The following RALGAPA1 variants were observed in gnomAD, a reference collection of about 807,000 sequenced individuals.
RALGAPA1 encodes ral GTPase-activating protein subunit alpha-1.
In RALGAPA1, 52 loss-of-function variants were observed where a neutral mutation model predicts 269.6. That is an observed-to-expected ratio of 0.19 (90% CI 0.15 to 0.24). The LOEUF (loss-of-function observed/expected upper bound fraction) is 0.24. RALGAPA1 is among the 10% of genes least tolerant of loss of function. The pLI is 1.00. For missense variants in RALGAPA1, 1,917 were observed against 3,013.9 expected, an observed-to-expected ratio of 0.64 and a Z score of 8.52; for synonymous variants, 817 against 1,008.3, an observed-to-expected ratio of 0.81 and a Z score of 3.60.
chr14:35,726,704 A>T (rs2069947194), intron 13 of RALGAPA1, among the ~76,000 whole-genome samples: 2 of 152,346 alleles, frequency 1.3e-5, no homozygotes, highest in Non-Finnish European at 2.9e-5. Context: ...TTAAGAAAAA[A>T]ATTCTAAAAT....
intron 35 of RALGAPA1, among the ~76,000 whole-genome samples, chr14:35,624,997 T>C (rs1174748589): frequency 1.3e-5 from 2 of 152,034 alleles, no homozygotes; most frequent in African/African-American, 2.4e-5. Flanking sequence ...GAAACCATTC[T>C]GGTTCACTCA....
At chr14:35,623,489 C>A (rs1286228839) in intron 35 of RALGAPA1, among the ~76,000 whole-genome samples, 1 of 151,894 alleles carries the variant, frequency 6.6e-6, no homozygotes, top group Non-Finnish European at 1.5e-5. Flanking sequence ...ATATTAACAT[C>A]ACTAGCAGAA....
intron 35 of RALGAPA1, among the ~76,000 whole-genome samples, chr14:35,622,996 C>A (rs1479531893): frequency 2.0e-5 from 3 of 150,182 alleles, no homozygotes; most frequent in South Asian, 2.1e-4. Context: ...GCACATGAAT[C>A]ACTTGAACCT....
intron 3 of RALGAPA1, among the ~76,000 whole-genome samples, chr14:35,773,416 T>A (rs143453014): frequency 6.6e-6 from 1 of 152,136 alleles, no homozygotes; most frequent in Admixed American, 6.5e-5. Context: ...AGATCTTTTT[T>A]CTAATAAAAT....
intron 37 of RALGAPA1, among the ~76,000 whole-genome samples, chr14:35,579,490 C>T (rs1374851837): frequency 1.3e-5 from 2 of 151,896 alleles, no homozygotes; most frequent in African/African-American, 4.8e-5. Context: ...CGCCTGTAGT[C>T]CCAGCTACTC....
At chr14:35,782,411 G>A (rs1429955677) in intron 1 of RALGAPA1, among the ~76,000 whole-genome samples, 1 of 152,072 alleles carries the variant, frequency 6.6e-6, no homozygotes, top group Non-Finnish European at 1.5e-5. Flanking sequence ...AAGATTCAAT[G>A]TACTCTTTTT....
At chr14:35,685,417 G>A (rs1595136558) in intron 19 of RALGAPA1, among the ~76,000 whole-genome samples, 1 of 152,082 alleles carries the variant, frequency 6.6e-6, no homozygotes, top group East Asian at 1.9e-4. Flanking sequence ...AATTAAAACA[G>A]CAGAAAGAGT....
intron 33 of RALGAPA1, among the ~76,000 whole-genome samples, chr14:35,632,888 A>G (rs561902406): frequency 4.6e-5 from 7 of 152,264 alleles, no homozygotes; most frequent in South Asian, 2.1e-4. Flanking sequence ...ATTAAAAAAC[A>G]CCCAGAGCAT....
At chr14:35,735,028 A>G (rs1567117646) in intron 12 of RALGAPA1, among the ~76,000 whole-genome samples, 1 of 140,232 alleles carries the variant, frequency 7.1e-6, no homozygotes, top group Non-Finnish European at 1.5e-5. Context: ...AAGAATGGCC[A>G]TAATAATAAA....
chr14:35,670,238 A>G (rs1480673729), intron 26 of RALGAPA1, among the ~76,000 whole-genome samples: 1 of 152,200 alleles, frequency 6.6e-6, no homozygotes. Flanking sequence ...AACTCCTTCT[A>G]TTCACTATTG....
At chr14:35,743,788 A>G (rs1260006213) in intron 10 of RALGAPA1, among the ~76,000 whole-genome samples, 1 of 152,204 alleles carries the variant, frequency 6.6e-6, no homozygotes, top group African/African-American at 2.4e-5. Flanking sequence ...AAAAAAATTA[A>G]GGCTTGCATA....
At chr14:35,651,674 CATTT>C in intron 31 of RALGAPA1, 127 bp downstream of exon 31, 1 of 683,522 alleles carries the variant, frequency 1.5e-6, no homozygotes, top group South Asian at 4.3e-5. Flanking sequence ...AACAGAAAGG[CATTT>C]CACATTATAG....
At chr14:35,764,380 C>A (rs1424882453) in intron 4 of RALGAPA1, among the ~76,000 whole-genome samples, 1 of 151,988 alleles carries the variant, frequency 6.6e-6, no homozygotes, top group Non-Finnish European at 1.5e-5. Context: ...GCCACTACAC[C>A]TGGCCTTCTT....
At chr14:35,804,292 T>C (rs1002753550) in intron 1 of RALGAPA1, among the ~76,000 whole-genome samples, 5 of 146,056 alleles carry the variant, frequency 3.4e-5, no homozygotes, top group Non-Finnish European at 7.5e-5. Context: ...GAATAACGGC[T>C]GGGCGCGGTG....
intron 26 of RALGAPA1, among the ~76,000 whole-genome samples, chr14:35,669,101 A>G (rs1183966472): frequency 6.6e-6 from 1 of 152,190 alleles, no homozygotes; most frequent in Non-Finnish European, 1.5e-5. Context: ...ATTTTCCATG[A>G]AACCTCCATG....
Position 35,545,028 on chromosome 14 carries a change from C to CA in RALGAPA1, c.*23+3479dup, listed in dbSNP as rs1041260036. On this transcript the variant is annotated intron_variant, in intron 41 of 41. Transcript: ENST00000680220. ...CGCCACTGCACTCCAGCCTCTGTCTCAAAAAAAACAAAAACAAAAACCAAA... is the reference window on the plus strand; with the variant it reads ...CGCCACTGCACTCCAGCCTCTGTCTCAAAAAAAAACAAAAACAAAAACCAAA... Among the ~76,000 whole-genome samples the CA allele has an allele frequency of 5.6e-4, 84 of 151,210 alleles. 1 individual carries two copies. Among genetic ancestry groups the CA allele is most frequent in the Admixed American group, 1.5e-3 (22 of 15,162 alleles).
chr14:35,636,364 G>A (rs140962891), intron 31 of RALGAPA1, among the ~76,000 whole-genome samples: 11 of 152,114 alleles, frequency 7.2e-5, no homozygotes, highest in South Asian at 2.1e-4. Context: ...CTTTAAAAAC[G>A]AACTCTCCAA....
chr14:35,802,692 TA>T (rs35689975), intron 1 of RALGAPA1, among the ~76,000 whole-genome samples: 43,785 of 143,536 alleles, frequency 0.31, 8,578 homozygotes, highest in African/African-American at 0.54. Context: ...AACTGACCTT[TA>T]AAAAAAAAAA....
chr14:35,668,406 C>T (rs2064131150), intron 26 of RALGAPA1, among the ~76,000 whole-genome samples: 1 of 152,012 alleles, frequency 6.6e-6, no homozygotes. Flanking sequence ...TCACTTGAAC[C>T]TGGGAGGCAG....
Sources: allele counts gnomAD v4.1 joint callset (sites outside exome capture counted in the v4.1 genomes callset), GRCh38; gene constraint gnomAD v4.1.1; transcripts MANE v1.5; gene names NCBI Gene and HGNC (gene_info 2026-07-23, HGNC 2026-07-21).